Variants in CSMD1 observed in about 807,000 individuals in gnomAD.
CSMD1 encodes CUB and Sushi multiple domains 1.
In CSMD1, 213 loss-of-function variants were observed where a neutral mutation model predicts 417.5. The ratio of observed to expected loss-of-function variants is 0.51; its 90% CI spans 0.46 to 0.57. The LOEUF is 0.57. CSMD1 is among the 20% of genes least tolerant of loss of function. CSMD1 has a pLI of 0.00. For synonymous variants in CSMD1, 2,862 were observed against 1,736.8 expected (o/e 1.65, Z -16.11); for missense variants, 6,923 against 4,529.7 (o/e 1.53, Z -15.17).
intron 3 of CSMD1, among the ~76,000 whole-genome samples, chr8:4,196,312 G>A (rs1401635731): frequency 2.0e-5 from 3 of 152,158 alleles, no homozygotes; most frequent in African/African-American, 7.2e-5. Context: ...TTCTATCGCT[G>A]CCGTACATTA....
intron 12 of CSMD1, among the ~76,000 whole-genome samples, chr8:3,457,694 G>T (rs1816244011): frequency 6.6e-6 from 1 of 152,128 alleles, no homozygotes; most frequent in Admixed American, 6.6e-5. Flanking sequence ...GACTCTTGTT[G>T]AGATCATAAA....
intron 1 of CSMD1, among the ~76,000 whole-genome samples, chr8:4,689,887 G>C (rs1297913883): frequency 1.3e-5 from 2 of 152,130 alleles, no homozygotes; most frequent in African/African-American, 2.4e-5. Context: ...AACTACTATG[G>C]AGGTAAGAAG....
chr8:4,135,854 A>G (rs896541187), intron 3 of CSMD1, among the ~76,000 whole-genome samples: 1 of 152,172 alleles, frequency 6.6e-6, no homozygotes, highest in Non-Finnish European at 1.5e-5. Context: ...GCATTTTTTT[A>G]AATCTAATAA....
At chr8:4,094,039 G>A (rs937990232) in intron 3 of CSMD1, among the ~76,000 whole-genome samples, 2 of 151,888 alleles carry the variant, frequency 1.3e-5, no homozygotes, top group African/African-American at 4.8e-5. Context: ...AAAATCAATA[G>A]AATGCACCAG....
chr8:3,352,881 G>A (rs903339975), intron 21 of CSMD1, among the ~76,000 whole-genome samples: 2 of 151,796 alleles, frequency 1.3e-5, no homozygotes, highest in African/African-American at 2.4e-5. Context: ...CAAAAAACAC[G>A]AAAACACATG....
intron 3 of CSMD1, among the ~76,000 whole-genome samples, chr8:4,083,785 G>C (rs1800272672): frequency 2.6e-5 from 4 of 152,102 alleles, no homozygotes; most frequent in South Asian, 4.1e-4. Context: ...GCATGGGCAA[G>C]GACTTCATGT....
rs533313871 is a variant in CSMD1, at chr8:4,512,777, A to C, written c.303-92712T>G. ...AAGAACTCTATAAAACTCTGAATTA[A>C]AAAAATAACTAAACAAAGAGATAGC... On this transcript the variant is annotated intron_variant, in intron 2 of 69. Transcript: ENST00000635120. Among the ~76,000 whole-genome samples, 10 of 133,370 alleles carry C rather than the reference A, an allele frequency of 7.5e-5. No homozygotes were observed. The East Asian group carries it at 2.4e-3, about 32-fold the overall frequency. The allele number at this position is 133,370 out of a possible 152,430, so 87.5% of individuals were successfully genotyped here.
At chr8:4,733,183 C>T (rs550474546) in intron 1 of CSMD1, among the ~76,000 whole-genome samples, 32 of 152,236 alleles carry the variant, frequency 2.1e-4, no homozygotes, top group East Asian at 9.7e-4. Context: ...CTGAAAAAAG[C>T]GAAACCATGT....
intron 54 of CSMD1, among the ~76,000 whole-genome samples, chr8:2,995,966 C>T (rs1469592952): frequency 6.6e-6 from 1 of 152,138 alleles, no homozygotes; most frequent in Admixed American, 6.5e-5. Context: ...TGGACATTCT[C>T]CATCTTGACC....
chr8:3,963,404 G>C (rs1812454712), intron 5 of CSMD1, among the ~76,000 whole-genome samples: 1 of 152,058 alleles, frequency 6.6e-6, no homozygotes, highest in Non-Finnish European at 1.5e-5. Context: ...ATACTCCATG[G>C]TTCCTAAGTA....
chr8:4,429,973 G>C (rs5025174), intron 2 of CSMD1, among the ~76,000 whole-genome samples: 61,238 of 151,956 alleles, frequency 0.4, 12,520 homozygotes, highest in Middle Eastern at 0.49. Context: ...AGAATCCACT[G>C]GAAGCTGAGC....
chr8:3,548,740 G>A (rs1798784479), intron 10 of CSMD1, among the ~76,000 whole-genome samples: 1 of 150,670 alleles, frequency 6.6e-6, no homozygotes, highest in Admixed American at 6.6e-5. Flanking sequence ...ATAGGAATTT[G>A]GGTTGTTTCT....
chr8:4,166,224 C>G (rs1055731396), intron 3 of CSMD1, among the ~76,000 whole-genome samples: 10 of 152,030 alleles, frequency 6.6e-5, no homozygotes, highest in African/African-American at 1.7e-4. Context: ...TTCATTTAAC[C>G]CAATATATCC....
chr8:3,118,823 C>T (rs779210095), intron 41 of CSMD1, among the ~76,000 whole-genome samples: 1 of 152,134 alleles, frequency 6.6e-6, no homozygotes, highest in Non-Finnish European at 1.5e-5. Flanking sequence ...GAAAGTAGCA[C>T]ATACCAAAAG....
At position 4,652,045 on chromosome 8, in the gene CSMD1, C is replaced by T. The variant is rs185050732; in HGVS notation, c.86-14487G>A. ...AGCTTTCCTCTAAGATACCTATGAG[C>T]CATGATTGAGTCAGGAAGAACTTGA... On this transcript the variant is annotated intron_variant, in intron 1 of 69. Coordinates refer to ENST00000635120, the MANE Select transcript of CSMD1 (RefSeq NM_033225.6). 1.3e-4 allele frequency among the ~76,000 whole-genome samples: 20 copies of T among 152,214 alleles called. No individual in the cohort carries two copies. The East Asian group carries it at 3.5e-3, about 26-fold the overall frequency.
At chr8:3,726,779 C>A (rs1368881316) in intron 6 of CSMD1, among the ~76,000 whole-genome samples, 1 of 152,096 alleles carries the variant, frequency 6.6e-6, no homozygotes, top group Non-Finnish European at 1.5e-5. Flanking sequence ...TCTTAGCATG[C>A]CCTCTGATGG....
chr8:2,948,471 G>C (rs1802403369), intron 68 of CSMD1, among the ~76,000 whole-genome samples: 4 of 152,082 alleles, frequency 2.6e-5, no homozygotes, highest in Non-Finnish European at 5.9e-5. Context: ...GGACTTACCT[G>C]TCTATGTAGA....
intron 5 of CSMD1, among the ~76,000 whole-genome samples, chr8:3,783,607 G>C (rs1309261525): frequency 2.0e-5 from 3 of 152,322 alleles, no homozygotes; most frequent in African/African-American, 7.2e-5. Context: ...AAAGGCCTGA[G>C]AGGAAGCCCT....
intron 26 of CSMD1, among the ~76,000 whole-genome samples, chr8:3,268,289 ATTTT>A (rs1163842745): frequency 3.1e-4 from 26 of 84,294 alleles, no homozygotes; most frequent in African/African-American, 1.0e-3. Context: ...TTCATTTCCT[ATTTT>A]TTTTTTTTTT....
Sources: gnomAD v4.1 joint callset for allele counts (sites outside exome capture counted in the v4.1 genomes callset) on GRCh38, gnomAD v4.1.1 for gene constraint, MANE v1.5 for transcripts, NCBI Gene and HGNC (gene_info 2026-07-23, HGNC 2026-07-21) for gene names.